The following SERINC5 variants were observed in gnomAD, a reference collection of about 807,000 sequenced individuals.
SERINC5 encodes chromosome 5 open reading frame 12.
Under a neutral mutation model 63.1 loss-of-function variants are expected in SERINC5, and 41 were observed. The observed-to-expected ratio is 0.65, with a 90% CI of 0.51 to 0.84. The LOEUF is 0.84. SERINC5 is among the 40% of genes least tolerant of loss of function. The probability of loss-of-function intolerance (pLI) is 0.00; values close to 1 mark genes in which losing one functional copy is unlikely to be tolerated. For synonymous variants in SERINC5, 222 were observed against 215.2 expected (o/e 1.03, Z -0.28); for missense variants, 523 against 573.0 (o/e 0.91, Z 0.89).
rs555095059 is a variant in SERINC5, at chr5:80,142,124, C to T, written c.*1539G>A. The T allele has an allele frequency of 1.5e-3, 1,505 of 985,382 alleles. 2 individuals are homozygous for T. The highest frequency in any genetic ancestry group is 1.8e-3 in the Non-Finnish European group (1,466 of 829,930). The allele number at this position is 985,382 out of a possible 1,614,324, so 61.0% of individuals were successfully genotyped here. ...CTTAGATCCTCACTTACAGAGAGCT[C>T]GAGAAGATTCTTTCCACCCCGAATG... On this transcript the variant is annotated 3_prime_UTR_variant, in exon 12 of 12. Coordinates refer to ENST00000507668, the MANE Select transcript of SERINC5 (RefSeq NM_001174072.3).
At chr5:80,177,246 C>A in intron 4 of SERINC5, 69 bp downstream of exon 4, 2 of 1,090,648 alleles carry the variant, frequency 1.8e-6, no homozygotes, top group Non-Finnish European at 2.8e-6. Context: ...CTTTGGACTG[C>A]GCTTCTGAGC....
At chr5:80,149,740 T>TA (rs1382712399) in intron 9 of SERINC5, among the ~76,000 whole-genome samples, 2 of 152,234 alleles carry the variant, frequency 1.3e-5, no homozygotes, top group Non-Finnish European at 2.9e-5. Context: ...ACTGGGTTTT[T>TA]ATGAGGATTA....
At chr5:80,153,447 C>T (rs990477127) in intron 8 of SERINC5, among the ~76,000 whole-genome samples, 1 of 151,470 alleles carries the variant, frequency 6.6e-6, no homozygotes, top group African/African-American at 2.4e-5. Context: ...CTCCATACAA[C>T]ACTCTTCTTG....
At chr5:80,146,290 C>A in intron 10 of SERINC5, 56 bp from the exon 11 acceptor site, 1 of 1,596,238 alleles carries the variant, frequency 6.3e-7, no homozygotes, top group Non-Finnish European at 8.6e-7. Flanking sequence ...GTTTACCATT[C>A]AGCAAAGTCA....
chr5:80,255,314 C>A (rs1415548903), intron 1 of SERINC5: 1 of 153,950 alleles, frequency 6.5e-6, no homozygotes, highest in Non-Finnish European at 1.4e-5. Flanking sequence ...AGGGTTGGGT[C>A]GGGAAATTCA....
chr5:80,114,259 C>T (rs1302224103), intron 11 of SERINC5, among the ~76,000 whole-genome samples: 1 of 151,984 alleles, frequency 6.6e-6, no homozygotes, highest in Non-Finnish European at 1.5e-5. Flanking sequence ...GGGGAGGCCT[C>T]AGGAAACTTA....
chr5:80,143,359 C>A lies in SERINC5; in HGVS notation c.*304G>T. ...TATCCCTGTGAAAAGATGCTGTGCCCCAAATTCTGTTTTGGCAAAAACATG... is the reference window on the plus strand; with the variant it reads ...TATCCCTGTGAAAAGATGCTGTGCCACAAATTCTGTTTTGGCAAAAACATG... On this transcript the variant is annotated 3_prime_UTR_variant, in exon 12 of 12. Coordinates refer to ENST00000507668, the MANE Select transcript of SERINC5 (RefSeq NM_001174072.3). The A allele has an allele frequency of 9.2e-7, 1 of 1,091,086 alleles. No individual in the cohort carries two copies. The highest frequency in any genetic ancestry group is 4.0e-5 in the South Asian group (1 of 25,258). The allele number at this position is 1,091,086 out of a possible 1,614,324, so 67.6% of individuals were successfully genotyped here. A position where few individuals can be genotyped will look rare whatever the true frequency, so the allele number is the denominator to read the frequency against.
chr5:80,146,269 T>C, intron 10 of SERINC5, 35 bp from the exon 11 acceptor site: 1 of 1,611,824 alleles, frequency 6.2e-7, no homozygotes, highest in Non-Finnish European at 8.5e-7. Flanking sequence ...GCTCAATGAG[T>C]GAATGTGTGT....
At chr5:80,136,871 C>G (rs944490783), downstream of SERINC5, among the ~76,000 whole-genome samples, 1 of 152,180 alleles carries the variant, frequency 6.6e-6, no homozygotes, top group Non-Finnish European at 1.5e-5. Flanking sequence ...TGCAGTGGCT[C>G]GCGCCTGTAA....
intron 8 of SERINC5, among the ~76,000 whole-genome samples, chr5:80,154,965 G>C (rs1746427381): frequency 6.6e-6 from 1 of 152,152 alleles, no homozygotes; most frequent in African/African-American, 2.4e-5. Context: ...AAAAGAGCCG[G>C]GGAGAGACTA....
chr5:80,164,157 G>A (rs1221376488), intron 7 of SERINC5, among the ~76,000 whole-genome samples: 1 of 152,032 alleles, frequency 6.6e-6, no homozygotes, highest in Non-Finnish European at 1.5e-5. Flanking sequence ...ATAATAGTCT[G>A]TAATGATCTT....
chr5:80,144,595 C>T (rs1745701866), intron 11 of SERINC5, among the ~76,000 whole-genome samples: 2 of 152,214 alleles, frequency 1.3e-5, no homozygotes, highest in Non-Finnish European at 2.9e-5. Flanking sequence ...CAAAGCATCA[C>T]TGGGAAGCAT....
chr5:80,154,481 G>A (rs897556783), intron 8 of SERINC5, among the ~76,000 whole-genome samples: 4 of 152,026 alleles, frequency 2.6e-5, no homozygotes, highest in Non-Finnish European at 4.4e-5. Context: ...GCCTGGCCAC[G>A]GGGTGGAAGA....
At position 80,166,450 on chromosome 5, in the gene SERINC5, T is replaced by C. The variant is rs553047365; in HGVS notation, c.792A>G (p.Ser264=). The part of the protein sequence containing the change: ...NRQPHSGLLQ[S]GVISCYVTYL... ...AGGTGACATAGCAGCTTATGACCCC[T>C]GATTGTAAGAGCCCCGAGTGTGGCT... The change falls in exon 7 of 12, where the codon TCA becomes TCG. Residue 264 remains serine, a synonymous_variant. Transcript: ENST00000507668. 1.9e-6 allele frequency: 3 copies of C among 1,594,880 alleles called. No individual in the cohort carries two copies. Among genetic ancestry groups the C allele is most frequent in the African/African-American group, 1.3e-5 (1 of 74,544 alleles).
At chr5:80,209,185 C>T (rs1413120497) in intron 1 of SERINC5, among the ~76,000 whole-genome samples, 1 of 152,174 alleles carries the variant, frequency 6.6e-6, no homozygotes, top group Non-Finnish European at 1.5e-5. Context: ...GCACGAGAAT[C>T]GCTTGAACCC....
intron 1 of SERINC5, among the ~76,000 whole-genome samples, chr5:80,255,624 C>A (rs914429834): frequency 3.3e-5 from 5 of 152,222 alleles, no homozygotes; most frequent in Non-Finnish European, 7.3e-5. Flanking sequence ...ATCCTCCGCC[C>A]GAGCCCGGCA....
chr5:80,202,924 T>A lies in SERINC5; in HGVS notation c.157A>T (p.Met53Leu). 2 of 1,612,686 alleles carry A rather than the reference T, an allele frequency of 1.2e-6. No homozygotes were observed. The highest frequency in any genetic ancestry group is 1.7e-6 in the Non-Finnish European group (2 of 1,178,954). ...FILVVVLCCI[M>L]MSTTVAHKMK... The stretch of plus-strand genomic sequence containing the variant: ...TTGTGAGCCACGGTTGTTGACATCA[T>A]GATGCAGCAGAGGACGACGACCAGA... The change falls in exon 2 of 12, where the codon ATG (methionine) becomes TTG (leucine). Residue 53 changes from methionine to leucine, a missense_variant. Met to Leu is a conservative substitution (Grantham distance 15). Coordinates refer to ENST00000507668, the MANE Select transcript of SERINC5 (RefSeq NM_001174072.3).
chr5:80,150,958 A>G lies in SERINC5; in HGVS notation c.987-10T>C. On this transcript the variant is annotated splice_polypyrimidine_tract_variant and intron_variant, in intron 8 of 11. Transcript: ENST00000507668. ...TGTTGTTGATGTCAAACTAAGAAAC[A>G]GACAAAAACGTCAGCTGGGCATATT... 6.2e-7 allele frequency: 1 copy of G among 1,609,948 alleles called. No homozygotes were observed. The highest frequency in any genetic ancestry group is 8.5e-7 in the Non-Finnish European group (1 of 1,176,150).
At chr5:80,184,884 G>T (rs986701481) in intron 2 of SERINC5, among the ~76,000 whole-genome samples, 6 of 152,026 alleles carry the variant, frequency 3.9e-5, no homozygotes, top group African/African-American at 1.4e-4. Flanking sequence ...ACTGTATGTT[G>T]TTTCTTTTTT....
Sources: gnomAD v4.1 joint callset for allele counts (sites outside exome capture counted in the v4.1 genomes callset) on GRCh38, gnomAD v4.1.1 for gene constraint, MANE v1.5 for transcripts, NCBI Gene and HGNC (gene_info 2026-07-23, HGNC 2026-07-21) for gene names.